PLEKHH3: variants seen among roughly 807,000 people sequenced by gnomAD.
PLEKHH3 encodes pleckstrin homology domain-containing family H member 3.
PLEKHH3 carries 57 observed loss-of-function variants against 77.8 expected under a neutral mutation model. The observed-to-expected ratio is 0.73, with a 90% CI of 0.59 to 0.91. The LOEUF (loss-of-function observed/expected upper bound fraction) is 0.91, where lower values mean the gene tolerates loss of function less well. Among genes scored for constraint, PLEKHH3 ranks in the 40% least tolerant of loss-of-function variants. PLEKHH3 has a pLI of 0.00. For missense variants in PLEKHH3, 1,082 were observed against 1,091.2 expected, an observed-to-expected ratio of 0.99 and a Z score of 0.12; for synonymous variants, 467 against 504.8, an observed-to-expected ratio of 0.93 and a Z score of 1.00.
Position 42,676,030 on chromosome 17 carries a change from A to T in PLEKHH3, c.162+372T>A. The T allele has an allele frequency of 9.1e-7, 1 of 1,104,722 alleles. No individual in the cohort carries two copies. Among genetic ancestry groups the T allele is most frequent in the Non-Finnish European group, 1.1e-6 (1 of 905,476 alleles). The allele number at this position is 1,104,722 out of a possible 1,614,324, so 68.4% of individuals were successfully genotyped here. A position where few individuals can be genotyped will look rare whatever the true frequency, so the allele number is the denominator to read the frequency against. ...GCGAACTGGGAGCGGAGGGGGACCC[A>T]GGCGTTCGAGCCGCCCAGCCGGCCT... On this transcript the variant is annotated intron_variant, in intron 1 of 12. Coordinates refer to ENST00000591022, the MANE Select transcript of PLEKHH3 (RefSeq NM_024927.5). This position sits in a 1 kb window ranked among gnomAD's most constrained non-coding sequence, Gnocchi z 6.6.
At chr17:42,669,755 G>A in intron 11 of PLEKHH3, 134 bp from the exon 12 acceptor site, 1 of 1,471,560 alleles carries the variant, frequency 6.8e-7, no homozygotes, top group South Asian at 1.3e-5. Flanking sequence ...GGGGGCTGAG[G>A]CTCCAGGGAT....
chr17:42,672,329 T>C lies in PLEKHH3; in HGVS notation c.833A>G (p.Glu278Gly). 6.5e-7 allele frequency: 1 copy of C among 1,547,078 alleles called. No individual in the cohort carries two copies. Among genetic ancestry groups the C allele is most frequent in the Non-Finnish European group, 8.7e-7 (1 of 1,146,244 alleles). Residue 278 changes from glutamate to glycine, a missense_variant, in exon 7 of 13, where the codon GAG (glutamate) becomes GGG (glycine). This residue lies in a region of PLEKHH3 where 733 missense variants were observed against 750.0 expected (regional missense o/e 0.98). Coordinates refer to ENST00000591022, the MANE Select transcript of PLEKHH3 (RefSeq NM_024927.5). ...VRLFLALQAL[E>G]GARRPGPLMQ... is the part of the protein sequence containing the mutation. ...CAAGGGCCCGGGGCGCCGCGCCCCC[T>C]CCAGCGCCTGCAGCGCCAAGAACAG...
chr17:42,668,811 A>ATT (rs201653271), intron 12 of PLEKHH3: 29 of 108,588 alleles, frequency 2.7e-4, no homozygotes, highest in East Asian at 1.7e-3. Context: ...CTCTTCTAAC[A>ATT]TTTTTTTTTG....
chr17:42,673,558 TG>T lies in PLEKHH3; in HGVS notation c.491-3del. The stretch of plus-strand genomic sequence containing the variant: ...CAGACACAGTCACTGACCACAGACC[TG>T]GGGAAAAGAGAGGCCAGGGAGGGCC... On this transcript the variant is annotated splice_region_variant and splice_polypyrimidine_tract_variant and intron_variant, in intron 4 of 12. Transcript: ENST00000591022. 1 of 1,588,886 alleles carries T rather than the reference TG, an allele frequency of 6.3e-7. No individual in the cohort carries two copies. Among genetic ancestry groups the T allele is most frequent in the Non-Finnish European group, 8.5e-7 (1 of 1,169,914 alleles).
intron 9 of PLEKHH3, 87 bp from the exon 10 acceptor site, chr17:42,670,792 T>C: frequency 7.7e-7 from 1 of 1,296,262 alleles, no homozygotes. Flanking sequence ...GCCATGTGTT[T>C]GGGGCGGGGC....
Position 42,671,969 on chromosome 17 carries a change from G to T in PLEKHH3, c.1076+117C>A. 1 of 835,636 alleles carries T rather than the reference G, an allele frequency of 1.2e-6. No homozygotes were observed. The highest frequency in any genetic ancestry group is 1.8e-6 in the Non-Finnish European group (1 of 553,452). 51.8% of individuals were successfully genotyped at this position (835,636 alleles called of 1,614,324 possible). ...GATAGGATCTTGTATCTCCCACAAA[G>T]GCACTGTATGTATTACTCGGTTCTT... On this transcript the variant is annotated intron_variant, in intron 7 of 12. Coordinates refer to ENST00000591022, the MANE Select transcript of PLEKHH3 (RefSeq NM_024927.5). This position sits in a 1 kb window ranked among gnomAD's most constrained non-coding sequence, Gnocchi z 4.7.
chr17:42,669,685 G>A (rs780085393), intron 11 of PLEKHH3, 64 bp from the exon 12 acceptor site: 80 of 1,525,944 alleles, frequency 5.2e-5, no homozygotes, highest in Non-Finnish European at 6.7e-5. Flanking sequence ...GGTAGGGGGA[G>A]ATGGGTGTCT....
At position 42,673,842 on chromosome 17, in the gene PLEKHH3, C is replaced by T. The variant is rs879019607; in HGVS notation, c.299-8G>A. On this transcript the variant is annotated splice_region_variant and splice_polypyrimidine_tract_variant and intron_variant, in intron 3 of 12. Coordinates refer to ENST00000591022, the MANE Select transcript of PLEKHH3 (RefSeq NM_024927.5). ...GCTCCCGGTACAGCCAACCTGGGGG[C>T]CGGAGAGGGAGGGAAGGGACATCAG... 6.3e-6 allele frequency: 10 copies of T among 1,598,590 alleles called. No homozygotes were observed. In the South Asian group the frequency reaches 1.1e-4, roughly 18 times the overall value.
rs1368958160 is a variant in PLEKHH3 at position 42,670,716 on chromosome 17, G to A, written c.1422-11C>T. 6.2e-6 allele frequency: 10 copies of A among 1,609,568 alleles called. No homozygotes were observed. The highest frequency in any genetic ancestry group is 8.5e-6 in the Non-Finnish European group (10 of 1,177,378). ...TCCTCCGCGGCCAAGCTGCAGAAGA[G>A]GAGCGGACGAAGCGCTAGGGAGAAG... On this transcript the variant is annotated splice_polypyrimidine_tract_variant and intron_variant, in intron 9 of 12. Coordinates refer to ENST00000591022, the MANE Select transcript of PLEKHH3 (RefSeq NM_024927.5).
rs1003160202 is a variant in PLEKHH3, at chr17:42,670,496, T to G, written c.1554+77A>C. 13 of 1,544,292 alleles carry G rather than the reference T, an allele frequency of 8.4e-6. No homozygotes were observed. The East Asian group carries it at 1.8e-4, about 22-fold the overall frequency. ...GCCTCCCGCGGGGCTGCCATAGTGA[T>G]GAAATGAGACGGCCTAGAAAACCAG... On this transcript the variant is annotated intron_variant, in intron 10 of 12. Transcript: ENST00000591022.
intron 5 of PLEKHH3, 32 bp from the exon 6 acceptor site, chr17:42,673,328 G>A (rs991394034): frequency 6.2e-7 from 1 of 1,604,894 alleles, no homozygotes; most frequent in South Asian, 1.1e-5. Context: ...CACCTTGATG[G>A]GGAAGGGAGT....
Position 42,676,349 on chromosome 17 carries a change from G to C in PLEKHH3, c.162+53C>G. On this transcript the variant is annotated intron_variant, in intron 1 of 12. Transcript: ENST00000591022. The surrounding 1 kb of genome is among the most constrained non-coding windows in gnomAD (Gnocchi z 6.6). ...GGAGGCTGGAGCGGATCAGCGTGAC[G>C]GCCGGTTACAGCGAGAGTGATTGAG... 6.2e-7 allele frequency: 1 copy of C among 1,600,886 alleles called. No individual in the cohort carries two copies. The highest frequency in any genetic ancestry group is 8.5e-7 in the Non-Finnish European group (1 of 1,171,866).
In PLEKHH3 at chr17:42,676,350, G is replaced by A. The variant is rs1316837661; in HGVS notation, c.162+52C>T. ...GAGGCTGGAGCGGATCAGCGTGACG[G>A]CCGGTTACAGCGAGAGTGATTGAGA... On this transcript the variant is annotated intron_variant, in intron 1 of 12. Coordinates refer to ENST00000591022, the MANE Select transcript of PLEKHH3 (RefSeq NM_024927.5). This position sits in a 1 kb window ranked among gnomAD's most constrained non-coding sequence, Gnocchi z 6.6. 1 of 1,601,094 alleles carries A rather than the reference G, an allele frequency of 6.2e-7. No individual in the cohort carries two copies. Among genetic ancestry groups the A allele is most frequent in the African/African-American group, 1.3e-5 (1 of 74,702 alleles).
rs1426894933 is a variant in PLEKHH3, at chr17:42,671,028, T to TC, written c.1386dup (p.Thr463AspfsTer11). On this transcript the variant is annotated frameshift_variant, in exon 9 of 13. Transcript: ENST00000591022. LOFTEE classifies it high-confidence loss of function. This position sits in a 1 kb window ranked among gnomAD's most constrained non-coding sequence, Gnocchi z 4.7. ...CTGGTGAGCACGTCGGCCACGAGGG[T>TC]CCCCCCAGCCAGGGCTCGCTCCTGG... is the stretch of plus-strand genomic sequence containing the variant. 1.2e-6 allele frequency: 2 copies of TC among 1,610,428 alleles called. No homozygotes were observed. The highest frequency in any genetic ancestry group is 1.7e-5 in the Admixed American group (1 of 59,164).
Position 42,668,240 on chromosome 17 carries a change from T to C in PLEKHH3, c.2269A>G (p.Ser757Gly). Residue 757 changes from serine (S) to glycine (G), a missense_variant, in exon 13 of 13, where the codon AGC (serine) becomes GGC (glycine). This residue lies in a region of PLEKHH3 where 733 missense variants were observed against 750.0 expected (regional missense o/e 0.98). Coordinates refer to ENST00000591022, the MANE Select transcript of PLEKHH3 (RefSeq NM_024927.5). The stretch of plus-strand genomic sequence containing the variant: ...TCTTGGCATGGAGGAGAAGAGCTGC[T>C]GCAGGGCCTCTCGGGGGAGGGGTTG... ...LANPSPERPC[S>G]SSSPPCQDLP... The C allele has an allele frequency of 6.4e-7, 1 of 1,557,612 alleles. No individual in the cohort carries two copies. Among genetic ancestry groups the C allele is most frequent in the Non-Finnish European group, 8.6e-7 (1 of 1,158,508 alleles).
In PLEKHH3 at chr17:42,669,516, C is replaced by T. The variant is rs749898190; in HGVS notation, c.2119G>A (p.Gly707Ser). Residue 707 changes from glycine to serine, a missense_variant, in exon 12 of 13, where the codon GGC (glycine) becomes AGC (serine). Gly to Ser is a moderately conservative substitution (Grantham distance 56). Transcript: ENST00000591022. ...ETEPIHSVSY[G>S]HVAACQLMGP... ...ATTAGCTGGCAGGCGGCCACATGGC[C>T]ATAGCTGACACTGTGGATGGGCTCC... 3 of 1,610,554 alleles carry T rather than the reference C, an allele frequency of 1.9e-6. No individual in the cohort carries two copies. Among genetic ancestry groups the T allele is most frequent in the Non-Finnish European group, 2.5e-6 (3 of 1,178,068 alleles).
chr17:42,669,483 G>A lies in PLEKHH3; in HGVS notation c.2152C>T (p.His718Tyr), dbSNP rs768484235. The change falls in exon 12 of 13, where the codon CAC becomes TAC. Residue 718 changes from histidine to tyrosine, a missense_variant. Around this residue, in one of 3 missense-constraint regions of PLEKHH3, gnomAD observed 733 missense variants for 750.0 expected, o/e 0.98. Transcript: ENST00000591022. ...HVAACQLMGPHTLALRVGESQ... is the reference protein window; with the variant it reads ...HVAACQLMGPYTLALRVGESQ... ...TCTCCCACCCTCAAGGCCAGGGTGT[G>A]GGGGCCCATTAGCTGGCAGGCGGCC... 7 of 1,601,226 alleles carry A rather than the reference G, an allele frequency of 4.4e-6. No individual in the cohort carries two copies. The highest frequency in any genetic ancestry group is 6.0e-6 in the Non-Finnish European group (7 of 1,171,376).
In PLEKHH3 at chr17:42,676,078, G is replaced by A; in HGVS notation, c.162+324C>T. ...CCTCGCCACATTCCTCGGCGCTGGCGGAGGCGGAAGGAGACGGGATGGGAC... is the reference window on the plus strand; with the variant it reads ...CCTCGCCACATTCCTCGGCGCTGGCAGAGGCGGAAGGAGACGGGATGGGAC... On this transcript the variant is annotated intron_variant, in intron 1 of 12. Transcript: ENST00000591022. The surrounding 1 kb of genome is among the most constrained non-coding windows in gnomAD (Gnocchi z 6.6). 8.3e-7 allele frequency: 1 copy of A among 1,198,536 alleles called. No individual in the cohort carries two copies. The highest frequency in any genetic ancestry group is 1.0e-6 in the Non-Finnish European group (1 of 962,870). 74.2% of individuals were successfully genotyped at this position (1,198,536 alleles called of 1,614,324 possible). A position where few individuals can be genotyped will look rare whatever the true frequency, so the allele number is the denominator to read the frequency against.
intron 1 of PLEKHH3, among the ~76,000 whole-genome samples, chr17:42,675,280 C>T (rs1297652187): frequency 2.0e-5 from 3 of 152,118 alleles, no homozygotes; most frequent in Non-Finnish European, 2.9e-5. Context: ...CACCTGTCCC[C>T]AGGCTCAGGG....
Sources: gnomAD v4.1 joint callset for allele counts (sites outside exome capture counted in the v4.1 genomes callset) on GRCh38, gnomAD v4.1.1 for gene constraint, gnomAD v4.1.1 regional missense constraint, Gnocchi (gnomAD v3.1) non-coding constraint, MANE v1.5 for transcripts, NCBI Gene and HGNC (gene_info 2026-07-23, HGNC 2026-07-21) for gene names.